The following MAP2 variants were observed in gnomAD, a reference collection of about 807,000 sequenced individuals.
MAP2 encodes microtubule-associated protein 2.
A neutral mutation model predicts 137.6 loss-of-function variants in MAP2; 14 were observed. The ratio of observed to expected loss-of-function variants is 0.10; its 90% CI spans 0.07 to 0.16. The LOEUF (loss-of-function observed/expected upper bound fraction) is 0.16. MAP2 is among the 10% of genes least tolerant of loss of function. The pLI, the probability that MAP2 is intolerant of heterozygous loss-of-function variation, is 1.00. For synonymous variants in MAP2, 786 were observed against 782.3 expected, an observed-to-expected ratio of 1.00 and a Z score of -0.08; for missense variants, 2,088 against 2,191.5, an observed-to-expected ratio of 0.95 and a Z score of 0.94.
intron 1 of MAP2, among the ~76,000 whole-genome samples, chr2:209,485,204 G>A (rs975025339): frequency 8.5e-5 from 13 of 152,202 alleles, no homozygotes; most frequent in Admixed American, 7.9e-4. Context: ...ATTGGGCAGC[G>A]TTTTGGTGGT....
At chr2:209,556,024 C>CTTTTTTTTTTTTTTTTTT (rs34673279) in intron 2 of MAP2, among the ~76,000 whole-genome samples, 1 of 134,214 alleles carries the variant, frequency 7.5e-6, no homozygotes, top group Non-Finnish European at 1.5e-5. Flanking sequence ...GGCATTCTTT[C>CTTTTTTTTTTTTTTTTTT]TTTTTTTTTT....
At chr2:209,586,801 G>A (rs2077844933) in intron 3 of MAP2, among the ~76,000 whole-genome samples, 1 of 152,122 alleles carries the variant, frequency 6.6e-6, no homozygotes, top group Non-Finnish European at 1.5e-5. Context: ...GCTTTGATTA[G>A]TAAAAGGCTA....
intron 1 of MAP2, among the ~76,000 whole-genome samples, chr2:209,477,394 A>G (rs1707534825): frequency 6.6e-6 from 1 of 151,832 alleles, no homozygotes; most frequent in Admixed American, 6.6e-5. Flanking sequence ...ATATGGCTCT[A>G]TTAAAAAAAA....
At chr2:209,602,670 T>C (rs1363116880) in intron 3 of MAP2, among the ~76,000 whole-genome samples, 1 of 152,232 alleles carries the variant, frequency 6.6e-6, no homozygotes, top group Non-Finnish European at 1.5e-5. Flanking sequence ...GAGCCAGCTC[T>C]CCTGACAACT....
At chr2:209,639,433 C>T (rs937009609) in intron 4 of MAP2, among the ~76,000 whole-genome samples, 2 of 151,852 alleles carry the variant, frequency 1.3e-5, no homozygotes, top group African/African-American at 2.4e-5. Flanking sequence ...TAGAATCTAG[C>T]CCCTTGTTTC....
intron 1 of MAP2, among the ~76,000 whole-genome samples, chr2:209,430,243 T>C (rs1693887432): frequency 6.6e-6 from 1 of 151,314 alleles, no homozygotes; most frequent in Non-Finnish European, 1.5e-5. Context: ...AAATTTTCAA[T>C]CTGTAGCATA....
chr2:209,670,169 A>G (rs897739705), intron 5 of MAP2, among the ~76,000 whole-genome samples: 1 of 151,966 alleles, frequency 6.6e-6, no homozygotes, highest in Non-Finnish European at 1.5e-5. Flanking sequence ...AAACCTCTCT[A>G]GGAATTTCTC....
At chr2:209,698,503 G>A (rs2060878135) in intron 10 of MAP2, among the ~76,000 whole-genome samples, 1 of 152,118 alleles carries the variant, frequency 6.6e-6, no homozygotes, top group Non-Finnish European at 1.5e-5. Context: ...ATTAGCCTTT[G>A]TGAGAAAGAG....
At chr2:209,602,723 G>A (rs149152795) in intron 3 of MAP2, among the ~76,000 whole-genome samples, 35 of 152,274 alleles carry the variant, frequency 2.3e-4, no homozygotes, top group Middle Eastern at 3.4e-3. Context: ...GAACGCTAGC[G>A]GATTCTGAGC....
At chr2:209,617,844 G>A (rs2090004185) in intron 3 of MAP2, among the ~76,000 whole-genome samples, 1 of 152,090 alleles carries the variant, frequency 6.6e-6, no homozygotes, top group African/African-American at 2.4e-5. Context: ...GAGACACTTT[G>A]GCAGCATTGT....
chr2:209,542,602 C>A (rs919024350), intron 2 of MAP2, among the ~76,000 whole-genome samples: 2 of 152,212 alleles, frequency 1.3e-5, no homozygotes, highest in African/African-American at 4.8e-5. Context: ...CTGTCTTCAT[C>A]AAAGATTTTA....
chr2:209,449,740 A>G (rs1299287349), intron 1 of MAP2, among the ~76,000 whole-genome samples: 1 of 152,142 alleles, frequency 6.6e-6, no homozygotes, highest in East Asian at 1.9e-4. Context: ...GATGATTTCC[A>G]GTTTCTTTGT....
At chr2:209,574,096 G>C (rs2074897330) in intron 2 of MAP2, among the ~76,000 whole-genome samples, 3 of 151,992 alleles carry the variant, frequency 2.0e-5, no homozygotes, top group African/African-American at 7.3e-5. Flanking sequence ...TTTTTGTACA[G>C]TACAATGTTA....
chr2:209,603,665 C>A (rs1019628315), intron 3 of MAP2, among the ~76,000 whole-genome samples: 1 of 152,066 alleles, frequency 6.6e-6, no homozygotes. Context: ...CTTTTTATAC[C>A]CGCCTTTCTT....
chr2:209,565,254 A>G (rs1559327075), intron 2 of MAP2, among the ~76,000 whole-genome samples: 2 of 152,076 alleles, frequency 1.3e-5, no homozygotes, highest in African/African-American at 2.4e-5. Flanking sequence ...AACTTGCTCT[A>G]TCTCCCAGGC....
At chr2:209,657,625 GA>G (rs2041565166) in intron 5 of MAP2, among the ~76,000 whole-genome samples, 2 of 151,882 alleles carry the variant, frequency 1.3e-5, no homozygotes, top group South Asian at 4.1e-4. Flanking sequence ...TTTTAATGAG[GA>G]TTTTTTTTTT....
chr2:209,617,676 G>C (rs2089950191), intron 3 of MAP2, among the ~76,000 whole-genome samples: 1 of 151,978 alleles, frequency 6.6e-6, no homozygotes, highest in Admixed American at 6.6e-5. Flanking sequence ...TGTTGGATTA[G>C]AGCCCTATCT....
rs199710384 is a variant in MAP2 at position 209,432,138 on chromosome 2, T to A, written c.-222+7862T>A. On this transcript the variant is annotated intron_variant, in intron 1 of 15. Transcript: ENST00000682079. ...CAACAAAAATAGGCAGGTTGAAACT[T>A]TTTTCTCATCTGTAATGCCATTAAA... 2.6e-3 allele frequency among the ~76,000 whole-genome samples: 399 copies of A among 152,250 alleles called. 4 individuals carry two copies. Among genetic ancestry groups the A allele is most frequent in the East Asian group, 0.017 (90 of 5,172 alleles).
intron 2 of MAP2, among the ~76,000 whole-genome samples, chr2:209,565,330 A>T (rs761452183): frequency 4.0e-5 from 6 of 151,704 alleles, no homozygotes; most frequent in Admixed American, 1.3e-4. Flanking sequence ...CAATCCTTTC[A>T]CCTCAGCCTC....
Sources: gnomAD v4.1 joint callset for allele counts (sites outside exome capture counted in the v4.1 genomes callset) on GRCh38, gnomAD v4.1.1 for gene constraint, MANE v1.5 for transcripts, NCBI Gene and HGNC (gene_info 2026-07-23, HGNC 2026-07-21) for gene names.